BMPR2: variants seen among roughly 807,000 people sequenced by gnomAD.
BMPR2 encodes bone morphogenetic protein receptor type 2.
BMPR2 carries 29 observed loss-of-function variants against 100.8 expected under a neutral mutation model. The ratio of observed to expected loss-of-function variants is 0.29; its 90% CI spans 0.21 to 0.39. BMPR2 has a LOEUF of 0.39. Among genes scored for constraint, BMPR2 ranks in the 10% least tolerant of loss-of-function variants. The pLI is 1.00. For missense variants in BMPR2, 1,011 were observed against 1,274.5 expected (o/e 0.79, Z 3.15); for synonymous variants, 382 against 442.3 (o/e 0.86, Z 1.71).
At chr2:202,551,360 C>CAA (rs1256597587) in intron 10 of BMPR2, among the ~76,000 whole-genome samples, 62 of 95,374 alleles carry the variant, frequency 6.5e-4, no homozygotes, top group African/African-American at 9.6e-4. Context: ...ACTAAAGATA[C>CAA]AAAAAAAAAA....
intron 3 of BMPR2, among the ~76,000 whole-genome samples, chr2:202,482,535 G>A (rs1692679996): frequency 6.6e-6 from 1 of 150,432 alleles, no homozygotes; most frequent in African/African-American, 2.5e-5. Flanking sequence ...CCCCATGCCT[G>A]TCTAATTTTT....
At chr2:202,527,254 G>A (rs1240071501) in intron 7 of BMPR2, among the ~76,000 whole-genome samples, 2 of 152,122 alleles carry the variant, frequency 1.3e-5, no homozygotes, top group African/African-American at 2.4e-5. Flanking sequence ...TTGGGAGGCC[G>A]AGGTGGGTGG....
At chr2:202,492,469 G>A (rs186405653) in intron 3 of BMPR2, among the ~76,000 whole-genome samples, 10 of 152,064 alleles carry the variant, frequency 6.6e-5, no homozygotes, top group East Asian at 1.9e-4. Flanking sequence ...GTAGGCCTAC[G>A]CAGGCAGATC....
At chr2:202,519,455 A>G (rs192937230) in intron 6 of BMPR2, among the ~76,000 whole-genome samples, 12 of 152,380 alleles carry the variant, frequency 7.9e-5, no homozygotes, top group Admixed American at 7.8e-4. Flanking sequence ...TTGCTGACTC[A>G]CAAACTGGAT....
intron 12 of BMPR2, among the ~76,000 whole-genome samples, chr2:202,558,332 G>C (rs536787456): frequency 1.3e-5 from 2 of 150,074 alleles, no homozygotes; most frequent in East Asian, 2.1e-4. Flanking sequence ...GGCTGGTCTC[G>C]AACACTGGAC....
rs1236970020 is a variant in BMPR2, at chr2:202,535,686, G to C, written c.1276+2954G>C. Reference sequence around the variant, plus strand: ...CTCCTCACTTCCCAGACGGGGTGGCGGCCGGGCAGAGGCTGCAATCTCAGC... The same window carrying C: ...CTCCTCACTTCCCAGACGGGGTGGCCGCCGGGCAGAGGCTGCAATCTCAGC... On this transcript the variant is annotated intron_variant, in intron 9 of 12. Coordinates refer to ENST00000374580, the MANE Select transcript of BMPR2 (RefSeq NM_001204.7). Among the ~76,000 whole-genome samples, 2 of 152,074 alleles carry C rather than the reference G, an allele frequency of 1.3e-5. 1 individual carries two copies. The highest frequency in any genetic ancestry group is 4.8e-5 in the African/African-American group (2 of 41,426).
chr2:202,422,145 G>A, intron 1 of BMPR2, among the ~76,000 whole-genome samples: 1 of 152,164 alleles, frequency 6.6e-6, no homozygotes, highest in East Asian at 1.9e-4. Context: ...CTGACTTCGT[G>A]ATCTGCCCGC....
chr2:202,412,447 T>C (rs1691032480), intron 1 of BMPR2, among the ~76,000 whole-genome samples: 1 of 152,132 alleles, frequency 6.6e-6, no homozygotes, highest in Middle Eastern at 3.4e-3. Context: ...GCCTCCCGAG[T>C]AGCTGGGACT....
chr2:202,416,533 C>T (rs551845655), intron 1 of BMPR2, among the ~76,000 whole-genome samples: 1 of 150,526 alleles, frequency 6.6e-6, no homozygotes, highest in East Asian at 2.0e-4. Context: ...TCAAGCGATT[C>T]TCCTGCCTCA....
In BMPR2 at chr2:202,512,642, A is replaced by T. The variant is rs147597108; in HGVS notation, c.419-1077A>T. Among the ~76,000 whole-genome samples, 3 of 152,306 alleles carry T rather than the reference A, an allele frequency of 2.0e-5. No homozygotes were observed. The East Asian group carries it at 5.8e-4, about 29-fold the overall frequency. On this transcript the variant is annotated intron_variant, in intron 3 of 12. Transcript: ENST00000374580. The stretch of plus-strand genomic sequence containing the variant: ...GATATGCTCTAGTTTGTGGCCATCC[A>T]TCCTAAAGGGTATTTGCTCTAGATG...
chr2:202,555,925 A>C lies in BMPR2; in HGVS notation c.2260A>C (p.Arg754=). The change falls in exon 12 of 13, where the codon AGA becomes CGA. Residue 754 remains arginine (R), a synonymous_variant. Transcript: ENST00000374580. ...PLPKQQNLPK[R]PTSLPLNTKN... ...CCCCAAGCAGCAGAACCTTCCCAAG[A>C]GACCTACTAGTTTGCCTTTGAACAC... The C allele has an allele frequency of 6.2e-7, 1 of 1,614,204 alleles. No individual in the cohort carries two copies. Among genetic ancestry groups the C allele is most frequent in the Non-Finnish European group, 8.5e-7 (1 of 1,180,040 alleles).
At chr2:202,556,949 G>T (rs1015370128) in intron 12 of BMPR2, among the ~76,000 whole-genome samples, 1 of 151,562 alleles carries the variant, frequency 6.6e-6, no homozygotes, top group Non-Finnish European at 1.5e-5. Context: ...CAGGCGTGGT[G>T]GCGTGCACCT....
intron 3 of BMPR2, among the ~76,000 whole-genome samples, chr2:202,484,768 C>T (rs1692737391): frequency 6.6e-6 from 1 of 151,360 alleles, no homozygotes; most frequent in South Asian, 2.1e-4. Flanking sequence ...AGATCGAGAC[C>T]GTCCTGGCTA....
At chr2:202,464,222 A>C (rs1692275994) in intron 1 of BMPR2, among the ~76,000 whole-genome samples, 1 of 151,096 alleles carries the variant, frequency 6.6e-6, no homozygotes. Flanking sequence ...CCTGAAGTTC[A>C]CTCAATTTAA....
In BMPR2 at chr2:202,519,065, T is replaced by C; in HGVS notation, c.852+13T>C. The C allele has an allele frequency of 6.2e-7, 1 of 1,612,200 alleles. No individual in the cohort carries two copies. The highest frequency in any genetic ancestry group is 8.5e-7 in the Non-Finnish European group (1 of 1,178,532). ...GTACTATCCCAATGTAAGTTCTTCA[T>C]AGAAAATAAACTGAGGCCAGGTGTG... On this transcript the variant is annotated intron_variant, in intron 6 of 12. Coordinates refer to ENST00000374580, the MANE Select transcript of BMPR2 (RefSeq NM_001204.7).
intron 4 of BMPR2, among the ~76,000 whole-genome samples, chr2:202,514,527 G>A (rs1296936356): frequency 6.6e-6 from 1 of 152,102 alleles, no homozygotes; most frequent in East Asian, 1.9e-4. Context: ...ATGTCAAGTT[G>A]GTTCTAATAT....
chr2:202,518,837 C>G lies in BMPR2; in HGVS notation c.637C>G (p.Arg213Gly). The change falls in exon 6 of 13, where the codon CGA becomes GGA. Residue 213 changes from arginine (R) to glycine (G), a missense_variant. Physicochemically the swap from Arg to Gly is moderately radical, Grantham distance 125 (BLOSUM62 -2). Around this residue, in one of 6 missense-constraint regions of BMPR2, gnomAD observed 355 missense variants for 455.3 expected, o/e 0.78. Coordinates refer to ENST00000374580, the MANE Select transcript of BMPR2 (RefSeq NM_001204.7). ...LKLLELIGRG[R>G]YGAVYKGSLD... ...ACACTTGCAGCTGATTGGCCGAGGT[C>G]GATATGGAGCAGTATATAAAGGCTC... 1 of 1,614,054 alleles carries G rather than the reference C, an allele frequency of 6.2e-7. No homozygotes were observed. The highest frequency in any genetic ancestry group is 8.5e-7 in the Non-Finnish European group (1 of 1,179,992).
intron 1 of BMPR2, among the ~76,000 whole-genome samples, chr2:202,453,509 A>G (rs1212652550): frequency 6.6e-6 from 1 of 152,188 alleles, no homozygotes; most frequent in Non-Finnish European, 1.5e-5. Context: ...GTTATTTGCA[A>G]CAACATGGAT....
intron 1 of BMPR2, among the ~76,000 whole-genome samples, chr2:202,444,126 T>C (rs903504727): frequency 6.6e-6 from 1 of 150,716 alleles, no homozygotes; most frequent in Non-Finnish European, 1.5e-5. Flanking sequence ...AAGAAAGAGA[T>C]ACAGTTTTAT....
Sources: allele counts gnomAD v4.1 joint callset (sites outside exome capture counted in the v4.1 genomes callset), GRCh38; gene constraint gnomAD v4.1.1; regional missense constraint gnomAD v4.1.1; transcripts MANE v1.5; gene names NCBI Gene and HGNC (gene_info 2026-07-23, HGNC 2026-07-21).